Variants in GOLM2 observed in about 807,000 individuals in gnomAD.
GOLM2 encodes the protein protein GOLM2.
GOLM2 carries 26 observed loss-of-function variants against 55.9 expected under a neutral mutation model. The observed-to-expected ratio is 0.47, with a 90% CI of 0.34 to 0.65. GOLM2 has a LOEUF of 0.65. Ranked by LOEUF, GOLM2 falls within the 30% of genes least tolerant of loss-of-function variation. GOLM2 has a pLI of 0.01. For missense variants in GOLM2, 486 were observed against 531.8 expected (o/e 0.91, Z 0.85); for synonymous variants, 165 against 194.6 (o/e 0.85, Z 1.27).
intron 1 of GOLM2, among the ~76,000 whole-genome samples, chr15:44,304,215 C>G (rs1055492554): frequency 5.5e-5 from 7 of 128,088 alleles, no homozygotes; most frequent in Non-Finnish European, 1.1e-4. Context: ...TCAGTCACGT[C>G]TTCAGGCTCC....
intron 9 of GOLM2, among the ~76,000 whole-genome samples, chr15:44,409,294 A>AT (rs1295752574): frequency 2.6e-5 from 4 of 151,200 alleles, no homozygotes; most frequent in African/African-American, 4.9e-5. Flanking sequence ...AAAAAAAAAA[A>AT]GCCCAAAAAG....
chr15:44,407,391 G>A (rs1013925411), intron 9 of GOLM2, among the ~76,000 whole-genome samples: 2 of 151,234 alleles, frequency 1.3e-5, no homozygotes, highest in Admixed American at 6.6e-5. Context: ...TCAGCCTCCT[G>A]AGTATCTGGG....
At chr15:44,292,202 T>TATATA (rs1491250115) in intron 1 of GOLM2, among the ~76,000 whole-genome samples, 15 of 113,254 alleles carry the variant, frequency 1.3e-4, no homozygotes, top group African/African-American at 7.2e-4. Context: ...TATATATATA[T>TATATA]TTTTTTTTTT....
chr15:44,316,998 A>G (rs1242568165), intron 1 of GOLM2, among the ~76,000 whole-genome samples: 1 of 152,058 alleles, frequency 6.6e-6, no homozygotes, highest in Admixed American at 6.6e-5. Flanking sequence ...TATATATTCA[A>G]CTATAGATTG....
chr15:44,403,088 T>C, intron 9 of GOLM2, 34 bp downstream of exon 9: 1 of 1,611,740 alleles, frequency 6.2e-7, no homozygotes, highest in Non-Finnish European at 8.5e-7. Flanking sequence ...GCTATAACCA[T>C]GAAACCCACC....
intron 3 of GOLM2, among the ~76,000 whole-genome samples, chr15:44,330,671 C>T (rs1387342307): frequency 6.6e-6 from 1 of 151,990 alleles, no homozygotes; most frequent in African/African-American, 2.4e-5. Flanking sequence ...GTTGAGGCTA[C>T]AGTGAACCAT....
At position 44,310,454 on chromosome 15, in the gene GOLM2, C is replaced by A. The variant is rs535907997; in HGVS notation, c.328-12511C>A. Among the ~76,000 whole-genome samples the A allele has an allele frequency of 6.3e-3, 894 of 142,586 alleles. 8 individuals are homozygous for A. The highest frequency in any genetic ancestry group is 6.2e-3 in the Non-Finnish European group (412 of 66,456). The allele number at this position is 142,586 out of a possible 152,430, so 93.5% of individuals were successfully genotyped here. On this transcript the variant is annotated intron_variant, in intron 1 of 9. Coordinates refer to ENST00000299957, the MANE Select transcript of GOLM2 (RefSeq NM_138423.4). ...AGTCTCTCTTTCTCTCTCTCTCTCTCTATATATATATATATGTATATATAT... is the reference window on the plus strand; with the variant it reads ...AGTCTCTCTTTCTCTCTCTCTCTCTATATATATATATATATGTATATATAT...
At chr15:44,301,768 C>T (rs777571311) in intron 1 of GOLM2, among the ~76,000 whole-genome samples, 2 of 151,914 alleles carry the variant, frequency 1.3e-5, no homozygotes. Context: ...GGATATCAGC[C>T]GGGTATGGTG....
At chr15:44,302,397 G>A (rs900969640) in intron 1 of GOLM2, among the ~76,000 whole-genome samples, 7 of 151,934 alleles carry the variant, frequency 4.6e-5, no homozygotes, top group Non-Finnish European at 1.0e-4. Context: ...TGTTCACCTC[G>A]GCCTCCCAAA....
intron 4 of GOLM2, among the ~76,000 whole-genome samples, chr15:44,333,164 C>G (rs2141141916): frequency 6.6e-6 from 1 of 152,296 alleles, no homozygotes; most frequent in African/African-American, 2.4e-5. Context: ...GATCTCTTGA[C>G]CTTGTGATCC....
chr15:44,326,738 G>A (rs572437303), intron 2 of GOLM2, among the ~76,000 whole-genome samples: 5 of 148,108 alleles, frequency 3.4e-5, no homozygotes, highest in African/African-American at 1.0e-4. Context: ...TGTAACCTCC[G>A]CCACTCGGGT....
intron 6 of GOLM2, among the ~76,000 whole-genome samples, chr15:44,376,170 G>A (rs749322669): frequency 6.6e-6 from 1 of 152,200 alleles, no homozygotes; most frequent in Non-Finnish European, 1.5e-5. Context: ...GGAGGCGGAG[G>A]TTGTGGTGAG....
intron 6 of GOLM2, among the ~76,000 whole-genome samples, chr15:44,340,659 C>T (rs2079085321): frequency 6.6e-6 from 1 of 152,188 alleles, no homozygotes; most frequent in Admixed American, 6.5e-5. Flanking sequence ...TCCAGACCTA[C>T]TTAATCAGAA....
At chr15:44,347,420 G>A (rs1023060035) in intron 6 of GOLM2, among the ~76,000 whole-genome samples, 1 of 152,174 alleles carries the variant, frequency 6.6e-6, no homozygotes, top group African/African-American at 2.4e-5. Flanking sequence ...AGGAGTGAGA[G>A]TGCAGTAATT....
intron 1 of GOLM2, among the ~76,000 whole-genome samples, chr15:44,311,060 C>T (rs2078872160): frequency 6.6e-6 from 1 of 151,958 alleles, no homozygotes; most frequent in South Asian, 2.1e-4. Flanking sequence ...AACAAACATA[C>T]ATACATACCT....
At chr15:44,361,411 CA>C (rs1193666622) in intron 6 of GOLM2, among the ~76,000 whole-genome samples, 1 of 151,690 alleles carries the variant, frequency 6.6e-6, no homozygotes, top group Non-Finnish European at 1.5e-5. Context: ...GAGAATACTA[CA>C]AACACCTCTA....
intron 6 of GOLM2, among the ~76,000 whole-genome samples, chr15:44,355,889 TC>T (rs1567033792): frequency 6.6e-6 from 1 of 152,084 alleles, no homozygotes; most frequent in Non-Finnish European, 1.5e-5. Flanking sequence ...AATAAAGTCT[TC>T]TGTACTCAGC....
chr15:44,327,004 A>G (rs184101771), intron 2 of GOLM2, among the ~76,000 whole-genome samples: 8 of 146,970 alleles, frequency 5.4e-5, no homozygotes, highest in Admixed American at 2.1e-4. Context: ...GCTAGAGTGC[A>G]CAGTGGCGTA....
In GOLM2 at chr15:44,289,059, T is replaced by C. The variant is rs757997543; in HGVS notation, c.30T>C (p.Ala10=). MVGFGANRR[A]GRLPSLVLVV... ...TGGGTTTCGGGGCCAACCGGCGGGC[T>C]GGCCGCCTGCCCTCTCTCGTGCTGG... Residue 10 remains alanine, a synonymous_variant, in exon 1 of 10, where the codon GCT becomes GCC. Transcript: ENST00000299957. The surrounding 1 kb of genome is among the most constrained non-coding windows in gnomAD (Gnocchi z 4.8). 1.9e-6 allele frequency: 3 copies of C among 1,613,576 alleles called. No homozygotes were observed. In the African/African-American group the frequency reaches 4.0e-5, roughly 22 times the overall value.
Sources: allele counts gnomAD v4.1 joint callset (sites outside exome capture counted in the v4.1 genomes callset), GRCh38; gene constraint gnomAD v4.1.1; non-coding constraint Gnocchi (gnomAD v3.1); transcripts MANE v1.5; gene names NCBI Gene and HGNC (gene_info 2026-07-23, HGNC 2026-07-21).